The following TRNAU1AP variants were observed in gnomAD, a reference collection of about 807,000 sequenced individuals.
TRNAU1AP encodes the protein tRNA selenocysteine 1 associated protein 1.
TRNAU1AP carries 33 observed loss-of-function variants against 43.3 expected under a neutral mutation model. The observed-to-expected ratio is 0.76, with a 90% CI of 0.58 to 1.02. The LOEUF is 1.02. Among genes scored for constraint, TRNAU1AP ranks in the 50% least tolerant of loss-of-function variants. The pLI is 0.00. For synonymous variants in TRNAU1AP, 143 were observed against 129.1 expected, an observed-to-expected ratio of 1.11 and a Z score of -0.73; for missense variants, 290 against 362.7, an observed-to-expected ratio of 0.80 and a Z score of 1.63.
chr1:28,556,786 C>T (rs188043723), intron 2 of TRNAU1AP, among the ~76,000 whole-genome samples: 2 of 152,030 alleles, frequency 1.3e-5, no homozygotes, highest in African/African-American at 4.8e-5. Flanking sequence ...CAGGTTCAAG[C>T]GATTCTCCTG....
rs1022105559 is a variant in TRNAU1AP at position 28,557,473 on chromosome 1, T to C, written c.126-3160T>C. The stretch of plus-strand genomic sequence containing the variant: ...ACTCTTGTTTCTTACATGTTTCTTT[T>C]TTTTTTTTTTTTTTTTACTTTGAGG... On this transcript the variant is annotated intron_variant, in intron 2 of 8. Coordinates refer to ENST00000373830, the MANE Select transcript of TRNAU1AP (RefSeq NM_017846.5). 1.5e-4 allele frequency among the ~76,000 whole-genome samples: 22 copies of C among 149,890 alleles called. 1 individual carries two copies. In the East Asian group the frequency reaches 3.3e-3, roughly 23 times the overall value.
chr1:28,561,227 T>C (rs1665397084), intron 3 of TRNAU1AP, 119 bp from the exon 4 acceptor site: 1 of 1,505,920 alleles, frequency 6.6e-7, no homozygotes, highest in Non-Finnish European at 8.9e-7. Flanking sequence ...GAGAAAAAGC[T>C]GAGGCTTAGA....
chr1:28,573,948 A>C (rs1028625642), intron 8 of TRNAU1AP, among the ~76,000 whole-genome samples: 3 of 151,948 alleles, frequency 2.0e-5, no homozygotes, highest in East Asian at 1.9e-4. Flanking sequence ...AAAAAAAAAA[A>C]CAACAGTATT....
intron 6 of TRNAU1AP, among the ~76,000 whole-genome samples, chr1:28,567,761 AT>A: frequency 6.6e-6 from 1 of 152,300 alleles, no homozygotes; most frequent in African/African-American, 2.4e-5. Context: ...AATTAATAAG[AT>A]TTGAATAAAG....
intron 4 of TRNAU1AP, among the ~76,000 whole-genome samples, chr1:28,564,359 T>C (rs1197346554): frequency 6.6e-6 from 1 of 152,238 alleles, no homozygotes; most frequent in Non-Finnish European, 1.5e-5. Context: ...CATTTATGTT[T>C]AAAATATACA....
chr1:28,566,174 G>T (rs904394629), intron 5 of TRNAU1AP, among the ~76,000 whole-genome samples: 2 of 151,658 alleles, frequency 1.3e-5, no homozygotes, highest in Admixed American at 6.6e-5. Context: ...AATTAACCAG[G>T]CATGGTGGTG....
intron 6 of TRNAU1AP, among the ~76,000 whole-genome samples, chr1:28,570,738 G>T (rs375441925): frequency 9.0e-4 from 137 of 152,164 alleles, no homozygotes; most frequent in African/African-American, 2.8e-3. Flanking sequence ...TTCCTTATCT[G>T]TAAAATAGGA....
chr1:28,573,749 G>C (rs925352955), intron 8 of TRNAU1AP, among the ~76,000 whole-genome samples: 7 of 151,784 alleles, frequency 4.6e-5, no homozygotes, highest in African/African-American at 1.7e-4. Context: ...CTCCAGCCTG[G>C]GCAACAGTGC....
At position 28,561,518 on chromosome 1, in the gene TRNAU1AP, C is replaced by T. The variant is rs971430373; in HGVS notation, c.278+120C>T. The T allele has an allele frequency of 1.2e-5, 13 of 1,113,664 alleles. No homozygotes were observed. In the Admixed American group the frequency reaches 2.5e-4, roughly 21 times the overall value. The allele number at this position is 1,113,664 out of a possible 1,614,324, so 69.0% of individuals were successfully genotyped here. A position where few individuals can be genotyped will look rare whatever the true frequency, so the allele number is the denominator to read the frequency against. ...TTCCCTCCTGAAGGACGACGCTCTTCTCCCTTCCTTGCTGGTGGACCTTCC... is the reference window on the plus strand; with the variant it reads ...TTCCCTCCTGAAGGACGACGCTCTTTTCCCTTCCTTGCTGGTGGACCTTCC... On this transcript the variant is annotated intron_variant, in intron 4 of 8. Coordinates refer to ENST00000373830, the MANE Select transcript of TRNAU1AP (RefSeq NM_017846.5).
intron 2 of TRNAU1AP, among the ~76,000 whole-genome samples, chr1:28,557,640 G>T (rs1458520787): frequency 6.6e-6 from 1 of 151,786 alleles, no homozygotes; most frequent in African/African-American, 2.4e-5. Flanking sequence ...CCAAGCAGGA[G>T]TGCAGTGGCG....
intron 7 of TRNAU1AP, 59 bp downstream of exon 7, chr1:28,571,397 T>G (rs1000295474): frequency 6.4e-7 from 1 of 1,567,308 alleles, no homozygotes; most frequent in Non-Finnish European, 8.8e-7. Context: ...TAGAAACAGG[T>G]CATTCTCTAG....
intron 8 of TRNAU1AP, among the ~76,000 whole-genome samples, chr1:28,575,856 CTTTTTTT>C (rs34983069): frequency 5.1e-4 from 31 of 60,736 alleles, no homozygotes; most frequent in South Asian, 3.0e-3. Flanking sequence ...CTGCGCCTGG[CTTTTTTT>C]TTTTTTTTTT....
At position 28,564,837 on chromosome 1, in the gene TRNAU1AP, A is replaced by G; in HGVS notation, c.410+3A>G. 6.2e-7 allele frequency: 1 copy of G among 1,614,002 alleles called. No homozygotes were observed. Among genetic ancestry groups the G allele is most frequent in the Non-Finnish European group, 8.5e-7 (1 of 1,179,964 alleles). The stretch of plus-strand genomic sequence containing the variant: ...TTGGACCAGACAGGCGTGTCTAAGT[A>G]AGGCCTTACTTGTTACTGATGCTTA... On this transcript the variant is annotated splice_donor_region_variant and intron_variant, in intron 5 of 8. Coordinates refer to ENST00000373830, the MANE Select transcript of TRNAU1AP (RefSeq NM_017846.5).
intron 2 of TRNAU1AP, among the ~76,000 whole-genome samples, chr1:28,557,990 A>C (rs1218610637): frequency 6.8e-6 from 1 of 146,552 alleles, no homozygotes; most frequent in Non-Finnish European, 1.5e-5. Flanking sequence ...CCACCTCCCA[A>C]ATTCAAGCAG....
intron 5 of TRNAU1AP, chr1:28,565,079 G>C (rs1276208919): frequency 2.0e-6 from 1 of 508,152 alleles, no homozygotes; most frequent in African/African-American, 2.0e-5. Flanking sequence ...CTGCTTGTAG[G>C]GTTGATGTAA....
chr1:28,571,169 A>C lies in TRNAU1AP; in HGVS notation c.531-7A>C, dbSNP rs747314911. On this transcript the variant is annotated splice_region_variant and splice_polypyrimidine_tract_variant and intron_variant, in intron 6 of 8. Coordinates refer to ENST00000373830, the MANE Select transcript of TRNAU1AP (RefSeq NM_017846.5). The stretch of plus-strand genomic sequence containing the variant: ...TACACTTATTTTTGTTTCTGTCTTC[A>C]TTTAAGGAGCCGTGTAAAGCCAGTG... The C allele has an allele frequency of 1.2e-6, 2 of 1,613,730 alleles. No individual in the cohort carries two copies. The highest frequency in any genetic ancestry group is 8.5e-7 in the Non-Finnish European group (1 of 1,179,782).
At chr1:28,556,334 C>G (rs1665261929) in intron 2 of TRNAU1AP, among the ~76,000 whole-genome samples, 1 of 151,550 alleles carries the variant, frequency 6.6e-6, no homozygotes, top group Non-Finnish European at 1.5e-5. Context: ...TGTGGTGAGA[C>G]ACACCTGTAA....
intron 4 of TRNAU1AP, among the ~76,000 whole-genome samples, chr1:28,562,856 C>T (rs1387173620): frequency 1.3e-5 from 2 of 150,066 alleles, no homozygotes; most frequent in Non-Finnish European, 1.5e-5. Context: ...GCTGGGATTA[C>T]AGGCGTGAGC....
rs75705441 is a variant in TRNAU1AP at position 28,565,489 on chromosome 1, A to G, written c.410+655A>G. On this transcript the variant is annotated intron_variant, in intron 5 of 8. Coordinates refer to ENST00000373830, the MANE Select transcript of TRNAU1AP (RefSeq NM_017846.5). Reference sequence around the variant, plus strand: ...AACAGAGCCAGACTCTGTCTCCATAAAAAAAAAAAAAAAGTTGGCCCGGCA... The same window carrying G: ...AACAGAGCCAGACTCTGTCTCCATAGAAAAAAAAAAAAAGTTGGCCCGGCA... The G allele has an allele frequency of 3.9e-5, 3 of 77,022 alleles. No homozygotes were observed. In the East Asian group the frequency reaches 7.0e-4, roughly 18 times the overall value. 4.8% of individuals were successfully genotyped at this position (77,022 alleles called of 1,614,324 possible).
Sources: allele counts gnomAD v4.1 joint callset (sites outside exome capture counted in the v4.1 genomes callset), GRCh38; gene constraint gnomAD v4.1.1; transcripts MANE v1.5; gene names NCBI Gene and HGNC (gene_info 2026-07-23, HGNC 2026-07-21).